Variants in FSTL4 observed in about 807,000 individuals in gnomAD.
FSTL4 encodes the protein follistatin like 4.
FSTL4 carries 28 observed loss-of-function variants against 78.2 expected under a neutral mutation model. That is an observed-to-expected ratio of 0.36 (90% CI 0.27 to 0.49). FSTL4 has a LOEUF of 0.49. FSTL4 is among the 20% of genes least tolerant of loss of function. The pLI is 0.98. For synonymous variants in FSTL4, 422 were observed against 440.5 expected, an observed-to-expected ratio of 0.96 and a Z score of 0.53; for missense variants, 922 against 1,084.9, an observed-to-expected ratio of 0.85 and a Z score of 2.11.
intron 3 of FSTL4, among the ~76,000 whole-genome samples, chr5:133,421,193 G>A (rs953626213): frequency 6.6e-6 from 1 of 152,254 alleles, no homozygotes; most frequent in African/African-American, 2.4e-5. Flanking sequence ...GGCGGGGCAA[G>A]GGTATGGCTG....
the FSTL4 span, among the ~76,000 whole-genome samples, chr5:133,701,969 A>T: frequency 6.6e-6 from 1 of 152,170 alleles, no homozygotes; most frequent in Non-Finnish European, 1.5e-5. Flanking sequence ...GGAAATCCTC[A>T]GTAAACTCTA....
chr5:133,809,578 C>T, the FSTL4 span, among the ~76,000 whole-genome samples: 355 of 150,764 alleles, frequency 2.4e-3, no homozygotes, highest in African/African-American at 8.4e-3. Flanking sequence ...AAATAAAGTC[C>T]ACCCCCCAAG....
the FSTL4 span, among the ~76,000 whole-genome samples, chr5:133,741,251 G>A: frequency 6.6e-6 from 1 of 152,194 alleles, no homozygotes; most frequent in African/African-American, 2.4e-5. Context: ...GTGATTTACT[G>A]AGCAAATATT....
intron 3 of FSTL4, among the ~76,000 whole-genome samples, chr5:133,520,426 C>T (rs1211669417): frequency 9.1e-5 from 11 of 120,238 alleles, no homozygotes; most frequent in East Asian, 5.7e-4. Flanking sequence ...AGATATTTGG[C>T]GTTGGGGTGG....
At chr5:133,777,881 A>C in the FSTL4 span, among the ~76,000 whole-genome samples, 2 of 152,272 alleles carry the variant, frequency 1.3e-5, no homozygotes, top group Non-Finnish European at 2.9e-5. Context: ...GTCTATTTGC[A>C]CATATGTAGG....
At chr5:133,253,263 G>A (rs2126826781) in intron 6 of FSTL4, among the ~76,000 whole-genome samples, 1 of 152,232 alleles carries the variant, frequency 6.6e-6, no homozygotes. Flanking sequence ...TGACTTCCAG[G>A]GAGAGTAAAA....
chr5:133,662,270 T>C, the FSTL4 span, among the ~76,000 whole-genome samples: 8 of 152,360 alleles, frequency 5.3e-5, no homozygotes, highest in African/African-American at 1.9e-4. Context: ...TGAGCAGCTT[T>C]CTTTTCTATC....
At chr5:133,375,300 A>ATATATATATATT (rs371253406) in intron 4 of FSTL4, among the ~76,000 whole-genome samples, 2 of 131,680 alleles carry the variant, frequency 1.5e-5, no homozygotes, top group Admixed American at 7.9e-5. Context: ...GCATATATAT[A>ATATATATATATT]TATATATATA....
rs1451010315 is a variant in FSTL4, at chr5:133,225,635, C to T, written c.1177+23G>A. On this transcript the variant is annotated intron_variant, in intron 9 of 15. Coordinates refer to ENST00000265342, the MANE Select transcript of FSTL4 (RefSeq NM_015082.2). This position sits in a 1 kb window ranked among gnomAD's most constrained non-coding sequence, Gnocchi z 4.6. ...GATTTGAATGGGAATATCGCATAGA[C>T]GTCTACCAAGGGCAGTTCTTACCTA... 1.2e-5 allele frequency: 18 copies of T among 1,540,138 alleles called. No individual in the cohort carries two copies. Among genetic ancestry groups the T allele is most frequent in the Admixed American group, 6.1e-5 (3 of 49,308 alleles).
intron 8 of FSTL4, among the ~76,000 whole-genome samples, chr5:133,232,946 C>T (rs1751538172): frequency 6.6e-6 from 1 of 152,206 alleles, no homozygotes; most frequent in Non-Finnish European, 1.5e-5. Context: ...GCTCATTGGG[C>T]CTCCTGGGGA....
intron 6 of FSTL4, among the ~76,000 whole-genome samples, chr5:133,268,951 G>A (rs1207673616): frequency 6.6e-6 from 1 of 151,988 alleles, no homozygotes; most frequent in Non-Finnish European, 1.5e-5. Flanking sequence ...GGAGGCCGAG[G>A]TGGGTAGATC....
At chr5:133,515,084 T>C in intron 3 of FSTL4, among the ~76,000 whole-genome samples, 1 of 152,146 alleles carries the variant, frequency 6.6e-6, no homozygotes, top group South Asian at 2.1e-4. Flanking sequence ...CGATAAGCCA[T>C]GCAACCAAAT....
chr5:133,249,506 T>C lies in FSTL4; in HGVS notation c.798A>G (p.Thr266=), dbSNP rs142052334. ...SVTTVTVGLS[T]VLTCAVHGDL... ...CTCCATGGACGGCGCAGGTCAGCAC[T>C]GTGCTCAGCCCCACGGTCACTGTGG... The change falls in exon 7 of 16, where the codon ACA becomes ACG. Residue 266 remains threonine, a synonymous_variant. Coordinates refer to ENST00000265342, the MANE Select transcript of FSTL4 (RefSeq NM_015082.2). The C allele has an allele frequency of 1.2e-4, 191 of 1,613,554 alleles. No individual in the cohort carries two copies. In the African/African-American group the frequency reaches 2.3e-3, roughly 19 times the overall value.
the FSTL4 span, among the ~76,000 whole-genome samples, chr5:133,725,975 G>A: frequency 6.6e-6 from 1 of 152,156 alleles, no homozygotes; most frequent in Non-Finnish European, 1.5e-5. Context: ...TTCTCCTGTG[G>A]TCTGAAGAGT....
At chr5:133,267,235 G>A (rs903961266) in intron 6 of FSTL4, among the ~76,000 whole-genome samples, 10 of 152,196 alleles carry the variant, frequency 6.6e-5, no homozygotes, top group African/African-American at 2.2e-4. Context: ...GAGGAGGCGG[G>A]CACAGGACAG....
intron 5 of FSTL4, among the ~76,000 whole-genome samples, 170 bp from the exon 6 acceptor site, chr5:133,312,947 A>G (rs1365695670): frequency 6.6e-6 from 1 of 152,146 alleles, no homozygotes; most frequent in African/African-American, 2.4e-5. Flanking sequence ...TATGGATGAG[A>G]AAACTGGGGT....
At chr5:133,738,859 G>T in the FSTL4 span, among the ~76,000 whole-genome samples, 1 of 152,106 alleles carries the variant, frequency 6.6e-6, no homozygotes, top group Non-Finnish European at 1.5e-5. Flanking sequence ...CTTCAACAAG[G>T]CACCAGAGCC....
chr5:133,454,755 G>A (rs1757451065), intron 3 of FSTL4, among the ~76,000 whole-genome samples: 2 of 152,182 alleles, frequency 1.3e-5, no homozygotes, highest in South Asian at 4.1e-4. Flanking sequence ...ACCACACAAA[G>A]TTTGCCAGTC....
At chr5:133,825,516 G>A in the FSTL4 span, among the ~76,000 whole-genome samples, 20 of 152,348 alleles carry the variant, frequency 1.3e-4, no homozygotes, top group East Asian at 3.9e-3. Flanking sequence ...AAATTGAACT[G>A]AATTAGCTTA....
Sources: gnomAD v4.1 joint callset for allele counts (sites outside exome capture counted in the v4.1 genomes callset) on GRCh38, gnomAD v4.1.1 for gene constraint, Gnocchi (gnomAD v3.1) non-coding constraint, MANE v1.5 for transcripts, NCBI Gene and HGNC (gene_info 2026-07-23, HGNC 2026-07-21) for gene names.